PPP2R3B: variants seen among roughly 807,000 people sequenced by gnomAD.
PPP2R3B encodes serine/threonine-protein phosphatase 2A regulatory subunit B'' subunit beta.
In PPP2R3B, 68 loss-of-function variants were observed where a neutral mutation model predicts 72.9. That is an observed-to-expected ratio of 0.93 (90% CI 0.77 to 1.14). PPP2R3B has a LOEUF of 1.14. PPP2R3B is among the 50% of genes most tolerant of loss of function. PPP2R3B has a pLI of 0.00. For missense variants in PPP2R3B, 1,018 were observed against 842.0 expected (o/e 1.21, Z -2.59); for synonymous variants, 466 against 375.8 (o/e 1.24, Z -2.78).
At chrX:380,565 C>T (rs1373388555) in intron 1 of PPP2R3B, among the ~76,000 whole-genome samples, 1 of 152,056 alleles carries the variant, frequency 6.6e-6, no homozygotes, top group Admixed American at 6.6e-5. Context: ...GCGGGTGGAT[C>T]ACCTGAGGTC....
intron 1 of PPP2R3B, among the ~76,000 whole-genome samples, chrX:379,079 G>GTA (rs1225864369): frequency 2.7e-5 from 4 of 150,082 alleles, no homozygotes; most frequent in Non-Finnish European, 5.9e-5. Flanking sequence ...CTGTGTGTGT[G>GTA]TATGCACCTA....
rs1205636730 is a variant in PPP2R3B at position 341,318 on chromosome X, T to G, written c.1164A>C (p.Lys388Asn). 1 of 1,612,632 alleles carries G rather than the reference T, an allele frequency of 6.2e-7. No homozygotes were observed. Among genetic ancestry groups the G allele is most frequent in the Non-Finnish European group, 8.5e-7 (1 of 1,179,744 alleles). Residue 388 changes from lysine (K) to asparagine (N), a missense_variant, in exon 9 of 13, where the codon AAA (lysine) becomes AAC (asparagine). By Grantham distance (94) the Lys-to-Asn change is moderately conservative. Coordinates refer to ENST00000390665, the MANE Select transcript of PPP2R3B (RefSeq NM_013239.5). ...CAGCAGGAACCCACCTGGTCGGTGT[T>G]TTTTTGTCTTCCTCAGAGATCAAAA... ...VWFLISEEDK[K>N]TPTSIEYWFR...
chrX:364,292 G>C (rs367863978), intron 1 of PPP2R3B, among the ~76,000 whole-genome samples: 5 of 152,096 alleles, frequency 3.3e-5, no homozygotes, highest in Admixed American at 1.3e-4. Flanking sequence ...AGCTGGGCAG[G>C]GGGGAGTTCT....
chrX:368,096 A>C (rs1037283266), intron 1 of PPP2R3B, among the ~76,000 whole-genome samples: 2 of 152,036 alleles, frequency 1.3e-5, no homozygotes, highest in African/African-American at 4.8e-5. Context: ...GGCGGAGCCC[A>C]CCCACCCCGG....
Position 386,506 on chromosome X carries a change from C to G in PPP2R3B, c.186G>C (p.Pro62=). The change falls in exon 1 of 13, where the codon CCG becomes CCC. Residue 62 remains proline (P), a synonymous_variant. Transcript: ENST00000390665. ...GEQPGAWPTA[P]LAAPRPSGLE... ...GCCCGCTGGGCCGGGGGGCGGCGAG[C>G]GGGGCTGTGGGCCAGGCCCCGGGCT... 1 of 1,306,230 alleles carries G rather than the reference C, an allele frequency of 7.7e-7. No homozygotes were observed. Among genetic ancestry groups the G allele is most frequent in the Non-Finnish European group, 9.7e-7 (1 of 1,027,654 alleles). The allele number at this position is 1,306,230 out of a possible 1,614,324, so 80.9% of individuals were successfully genotyped here. A position where few individuals can be genotyped will look rare whatever the true frequency, so the allele number is the denominator to read the frequency against.
chrX:375,025 A>G (rs2071958868), intron 1 of PPP2R3B, among the ~76,000 whole-genome samples: 1 of 151,906 alleles, frequency 6.6e-6, no homozygotes, highest in African/African-American at 2.4e-5. Context: ...TTCTCCTGCA[A>G]CCTTCCACAC....
chrX:363,396 GCCCGCAAT>G (rs2071591287), intron 1 of PPP2R3B, among the ~76,000 whole-genome samples: 1 of 149,582 alleles, frequency 6.7e-6, no homozygotes, highest in African/African-American at 2.5e-5. Context: ...ATCTCCCCGA[GCCCGCAAT>G]CCCACAGTGC....
intron 12 of PPP2R3B, chrX:338,285 T>A (rs1056203538): frequency 7.8e-6 from 4 of 510,914 alleles, no homozygotes; most frequent in African/African-American, 1.9e-5. Context: ...AGCCGTGGGA[T>A]AAGGACAGAC....
Position 338,655 on chromosome X carries a change from T to A in PPP2R3B, c.1526A>T (p.Glu509Val), listed in dbSNP as rs1426717866. Reference sequence around the variant, plus strand: ...CTCCTCGGCCACCAGGATGTCGTACTCCTCGGCCGCGTACTTCTCCCAGTC... The same window carrying A: ...CTCCTCGGCCACCAGGATGTCGTACACCTCGGCCGCGTACTTCTCCCAGTC... ...LSDWEKYAAE[E>V]YDILVAEETA... The change falls in exon 12 of 13, where the codon GAG becomes GTG. Residue 509 changes from glutamate (E) to valine (V), a missense_variant. Coordinates refer to ENST00000390665, the MANE Select transcript of PPP2R3B (RefSeq NM_013239.5). 4 of 1,611,074 alleles carry A rather than the reference T, an allele frequency of 2.5e-6. 1 individual carries two copies. The South Asian group carries it at 3.3e-5, about 13-fold the overall frequency.
chrX:381,802 G>A (rs768660502), intron 1 of PPP2R3B, among the ~76,000 whole-genome samples: 1 of 151,938 alleles, frequency 6.6e-6, no homozygotes, highest in Admixed American at 6.6e-5. Context: ...GTTTCACTGT[G>A]TTAGCCAAGA....
At chrX:370,446 A>T (rs1242910946) in intron 1 of PPP2R3B, among the ~76,000 whole-genome samples, 6 of 152,070 alleles carry the variant, frequency 3.9e-5, no homozygotes, top group Non-Finnish European at 8.8e-5. Flanking sequence ...AGAGCTCGGA[A>T]GGCTGGGCTG....
chrX:339,277 G>GGGGGGGGGC (rs1569376465), intron 10 of PPP2R3B, among the ~76,000 whole-genome samples: 11 of 149,738 alleles, frequency 7.3e-5, no homozygotes, highest in African/African-American at 2.7e-4. Flanking sequence ...ATGGCCGGGG[G>GGGGGGGGGC]GGGCAGGGCT....
chrX:376,620 G>A (rs2072002719), intron 1 of PPP2R3B, among the ~76,000 whole-genome samples: 1 of 57,236 alleles, frequency 1.7e-5, no homozygotes, highest in African/African-American at 8.2e-5. Flanking sequence ...CCGCCATGGG[G>A]CTGTCTATAC....
chrX:339,370 G>A (rs763687783), intron 10 of PPP2R3B, among the ~76,000 whole-genome samples: 19 of 113,818 alleles, frequency 1.7e-4, no homozygotes, highest in African/African-American at 5.0e-4. Context: ...GAAGCCAGGC[G>A]GCGTGGACGG....
At chrX:357,648 G>A (rs1220375878) in intron 2 of PPP2R3B, among the ~76,000 whole-genome samples, 1 of 151,888 alleles carries the variant, frequency 6.6e-6, no homozygotes, top group Non-Finnish European at 1.5e-5. Context: ...TCTAAGTTAC[G>A]CAAAAAATTT....
At chrX:381,511 A>G (rs2072123194) in intron 1 of PPP2R3B, among the ~76,000 whole-genome samples, 1 of 150,024 alleles carries the variant, frequency 6.7e-6, no homozygotes, top group Non-Finnish European at 1.5e-5. Context: ...CCCCAGCCAG[A>G]GTTTGTAGCA....
chrX:386,282 C>T (rs1206619881), intron 1 of PPP2R3B, 86 bp downstream of exon 1: 102 of 1,147,842 alleles, frequency 8.9e-5, no homozygotes, highest in Middle Eastern at 3.3e-4. Flanking sequence ...CTGACGCTCG[C>T]CCACCAGCCT....
At chrX:353,015 G>T (rs1236023038) in intron 2 of PPP2R3B, among the ~76,000 whole-genome samples, 2 of 151,840 alleles carry the variant, frequency 1.3e-5, no homozygotes, top group African/African-American at 4.8e-5. Context: ...ACTGGGTGAT[G>T]AGGGTGGACA....
intron 2 of PPP2R3B, among the ~76,000 whole-genome samples, chrX:357,279 G>C (rs1294222913): frequency 6.6e-6 from 1 of 152,140 alleles, no homozygotes; most frequent in African/African-American, 2.4e-5. Flanking sequence ...GGATACCCAG[G>C]TGTGTGCTTT....
Sources: gnomAD v4.1 joint callset for allele counts (sites outside exome capture counted in the v4.1 genomes callset) on GRCh38, gnomAD v4.1.1 for gene constraint, MANE v1.5 for transcripts, NCBI Gene and HGNC (gene_info 2026-07-23, HGNC 2026-07-21) for gene names.